The following TEK variants were observed in gnomAD, a reference collection of about 807,000 sequenced individuals.
The protein encoded by TEK is angiopoietin-1 receptor.
In TEK, 43 loss-of-function variants were observed where a neutral mutation model predicts 131.8. The ratio of observed to expected loss-of-function variants is 0.33; its 90% confidence interval spans 0.26 to 0.42. The LOEUF is 0.42. Among genes scored for constraint, TEK ranks in the 10% least tolerant of loss-of-function variants. The pLI is 1.00. For synonymous variants in TEK, 580 were observed against 491.6 expected (o/e 1.18, Z -2.38); for missense variants, 1,162 against 1,384.4 (o/e 0.84, Z 2.55).
intron 1 of TEK, among the ~76,000 whole-genome samples, chr9:27,117,375 T>C (rs1821612750): frequency 6.6e-6 from 1 of 152,212 alleles, no homozygotes; most frequent in South Asian, 2.1e-4. Context: ...ATTTTTGGAA[T>C]TTTGAACTGA....
At chr9:27,221,720 A>G (rs150546395) in intron 21 of TEK, among the ~76,000 whole-genome samples, 1 of 152,164 alleles carries the variant, frequency 6.6e-6, no homozygotes, top group Non-Finnish European at 1.5e-5. Context: ...TAGTATCAAC[A>G]TCAACAAAAA....
intron 1 of TEK, among the ~76,000 whole-genome samples, chr9:27,127,827 G>T (rs1033448665): frequency 6.6e-6 from 1 of 152,098 alleles, no homozygotes; most frequent in East Asian, 1.9e-4. Context: ...GGGGTTGTTT[G>T]ATTTTTTCTT....
At chr9:27,123,052 C>CAAA (rs10700803) in intron 1 of TEK, among the ~76,000 whole-genome samples, 2,687 of 34,664 alleles carry the variant, frequency 0.078, 809 homozygotes, top group African/African-American at 0.1. Context: ...GACTCTGTCT[C>CAAA]AAAAAAAAAA....
chr9:27,133,517 A>G (rs1296212698), intron 1 of TEK, among the ~76,000 whole-genome samples: 1 of 152,224 alleles, frequency 6.6e-6, no homozygotes. Context: ...GTCAGTGACC[A>G]TATGATGCAT....
intron 1 of TEK, among the ~76,000 whole-genome samples, chr9:27,123,264 G>A (rs1166697297): frequency 6.6e-6 from 1 of 151,882 alleles, no homozygotes; most frequent in African/African-American, 2.4e-5. Flanking sequence ...CTATTTCCAT[G>A]TGCTTTCTGT....
chr9:27,134,594 A>G (rs776838264), intron 1 of TEK, among the ~76,000 whole-genome samples: 28 of 152,222 alleles, frequency 1.8e-4, no homozygotes, highest in African/African-American at 6.8e-4. Flanking sequence ...CTGACTAGTC[A>G]TATTTTAAAA....
At chr9:27,179,443 C>T (rs945324829) in intron 6 of TEK, among the ~76,000 whole-genome samples, 1 of 152,106 alleles carries the variant, frequency 6.6e-6, no homozygotes, top group Non-Finnish European at 1.5e-5. Context: ...CACAGTTGGT[C>T]TCTATTTATT....
intron 1 of TEK, among the ~76,000 whole-genome samples, chr9:27,122,838 G>C (rs895374533): frequency 1.3e-5 from 2 of 151,924 alleles, no homozygotes; most frequent in Admixed American, 6.6e-5. Flanking sequence ...TAGATCACGA[G>C]GTCAGGAGAT....
intron 1 of TEK, among the ~76,000 whole-genome samples, chr9:27,132,134 C>T (rs1822252192): frequency 6.8e-6 from 1 of 146,982 alleles, no homozygotes; most frequent in African/African-American, 2.5e-5. Flanking sequence ...GTCGCCCAGG[C>T]TGCAGTGCAG....
intron 1 of TEK, among the ~76,000 whole-genome samples, chr9:27,111,011 T>C (rs1442231773): frequency 6.6e-6 from 1 of 152,192 alleles, no homozygotes; most frequent in Non-Finnish European, 1.5e-5. Flanking sequence ...CCCAGGTGTC[T>C]ATAGTTTCTC....
chr9:27,111,523 C>T (rs1315646039), intron 1 of TEK, among the ~76,000 whole-genome samples: 1 of 121,158 alleles, frequency 8.3e-6, no homozygotes, highest in Non-Finnish European at 1.7e-5. Flanking sequence ...TTTTTCTGAA[C>T]CCACAGACTG....
At chr9:27,214,848 T>G (rs142404471) in intron 18 of TEK, among the ~76,000 whole-genome samples, 29 of 152,268 alleles carry the variant, frequency 1.9e-4, no homozygotes, top group Middle Eastern at 3.4e-3. Flanking sequence ...CCCTGAGGGC[T>G]GGCTTCCAGG....
chr9:27,217,187 C>CTCTT (rs1168843366), intron 18 of TEK, among the ~76,000 whole-genome samples: 1 of 152,144 alleles, frequency 6.6e-6, no homozygotes, highest in Non-Finnish European at 1.5e-5. Context: ...TCCAGAGATG[C>CTCTT]TCTTTCCTCT....
intron 2 of TEK, among the ~76,000 whole-genome samples, chr9:27,165,123 A>G (rs1823679468): frequency 6.6e-6 from 1 of 152,098 alleles, no homozygotes; most frequent in South Asian, 2.1e-4. Context: ...AGAAAACAGG[A>G]GGTTAAAAAG....
At chr9:27,138,199 A>C (rs1442315887) in intron 1 of TEK, among the ~76,000 whole-genome samples, 1 of 152,204 alleles carries the variant, frequency 6.6e-6, no homozygotes, top group Non-Finnish European at 1.5e-5. Flanking sequence ...TGAAGAGCAA[A>C]AGAACAAAGA....
intron 1 of TEK, among the ~76,000 whole-genome samples, chr9:27,119,649 A>C (rs948456858): frequency 6.6e-6 from 1 of 152,116 alleles, no homozygotes; most frequent in African/African-American, 2.4e-5. Context: ...TCTGTTGCTC[A>C]ACGAGCTGGC....
In TEK at chr9:27,209,118, C is replaced by T. The variant is rs1440193984; in HGVS notation, c.2576-3C>T. Reference sequence around the variant, plus strand: ...GAATCACAACCCTTGACTTTCTTCCCAGAATATGCCTCCAAAGATGATCAC... The same window carrying T: ...GAATCACAACCCTTGACTTTCTTCCTAGAATATGCCTCCAAAGATGATCAC... On this transcript the variant is annotated splice_polypyrimidine_tract_variant and splice_region_variant and intron_variant, in intron 15 of 22. Coordinates refer to ENST00000380036, the MANE Select transcript of TEK (RefSeq NM_000459.5). The T allele has an allele frequency of 6.2e-7, 1 of 1,608,324 alleles. No individual in the cohort carries two copies. The highest frequency in any genetic ancestry group is 8.5e-7 in the Non-Finnish European group (1 of 1,174,900).
intron 1 of TEK, among the ~76,000 whole-genome samples, chr9:27,115,701 T>C (rs1821527807): frequency 6.6e-6 from 1 of 152,166 alleles, no homozygotes; most frequent in Non-Finnish European, 1.5e-5. Flanking sequence ...AACTTGCTCA[T>C]AGCCAAATGA....
intron 18 of TEK, 137 bp from the exon 19 acceptor site, chr9:27,217,551 C>T: frequency 2.7e-6 from 2 of 751,130 alleles, no homozygotes; most frequent in African/African-American, 1.7e-5. Flanking sequence ...TTTGAAAACA[C>T]ATGTAGCTGG....
Sources: gnomAD v4.1 joint callset for allele counts (sites outside exome capture counted in the v4.1 genomes callset) on GRCh38, gnomAD v4.1.1 for gene constraint, MANE v1.5 for transcripts, NCBI Gene and HGNC (gene_info 2026-07-23, HGNC 2026-07-21) for gene names.